The following ABCG8 variants were observed in gnomAD, a reference collection of about 807,000 sequenced individuals.
ABCG8 encodes the protein ATP binding cassette subfamily G member 8, also known as ATP-binding cassette sub-family G member 8.
In ABCG8, 81 loss-of-function variants were observed where a neutral mutation model predicts 71.3. That is an observed-to-expected ratio of 1.14 (90% CI 0.95 to 1.37). The LOEUF (loss-of-function observed/expected upper bound fraction) is 1.37. Among genes scored for constraint, ABCG8 ranks in the 40% most tolerant of loss-of-function variants. The pLI, the probability that ABCG8 is intolerant of heterozygous loss-of-function variation, is 0.00. For missense variants in ABCG8, 1,119 were observed against 866.2 expected (o/e 1.29, Z -3.66); for synonymous variants, 451 against 354.7 (o/e 1.27, Z -3.05).
intron 6 of ABCG8, among the ~76,000 whole-genome samples, chr2:43,867,155 A>G (rs1409301696): frequency 4.5e-5 from 6 of 134,788 alleles, no homozygotes; most frequent in Admixed American, 1.7e-4. Flanking sequence ...ATGAGAAGAC[A>G]TGGAAACAGG....
intron 6 of ABCG8, among the ~76,000 whole-genome samples, chr2:43,857,794 C>T (rs1297502409): frequency 6.6e-6 from 1 of 151,652 alleles, no homozygotes; most frequent in Non-Finnish European, 1.5e-5. Context: ...AATTCCCACT[C>T]TGTCGTTAGA....
intron 8 of ABCG8, 142 bp from the exon 9 acceptor site, chr2:43,873,645 C>A: frequency 1.3e-6 from 1 of 792,546 alleles, no homozygotes; most frequent in South Asian, 1.5e-5. Flanking sequence ...TGATTTAATC[C>A]TCAGAGCCAC....
intron 6 of ABCG8, among the ~76,000 whole-genome samples, chr2:43,868,921 G>T (rs1282736944): frequency 6.6e-6 from 1 of 150,788 alleles, no homozygotes. Flanking sequence ...TTCTCACTCT[G>T]TGGATAGAAC....
At chr2:43,842,322 T>C (rs1668605886) in intron 1 of ABCG8, among the ~76,000 whole-genome samples, 1 of 152,186 alleles carries the variant, frequency 6.6e-6, no homozygotes, top group African/African-American at 2.4e-5. Flanking sequence ...TGGCAATGGC[T>C]AAGATTTTTT....
In ABCG8 at chr2:43,852,437, G is replaced by T; in HGVS notation, c.645G>T (p.Gly215=). The change falls in exon 5 of 13, where the codon GGG becomes GGT. Residue 215 remains glycine (G), a synonymous_variant. Transcript: ENST00000272286. ...VGNMYVRGLS[G]GERRRVSIGV... ...ACATGTACGTGCGGGGGTTGTCGGGGGGTGAGCGCAGGAGAGTCAGCATTG... is the reference window on the plus strand; with the variant it reads ...ACATGTACGTGCGGGGGTTGTCGGGTGGTGAGCGCAGGAGAGTCAGCATTG... 2 of 1,612,866 alleles carry T rather than the reference G, an allele frequency of 1.2e-6. No homozygotes were observed. Among genetic ancestry groups the T allele is most frequent in the East Asian group, 2.2e-5 (1 of 44,874 alleles).
At chr2:43,871,172 A>C (rs1206519117) in intron 6 of ABCG8, among the ~76,000 whole-genome samples, 1 of 152,022 alleles carries the variant, frequency 6.6e-6, no homozygotes, top group Non-Finnish European at 1.5e-5. Flanking sequence ...ATCTATCTGG[A>C]TAGAACTCTC....
intron 6 of ABCG8, among the ~76,000 whole-genome samples, chr2:43,860,139 ATCTG>A (rs1164574815): frequency 2.7e-5 from 4 of 147,956 alleles, no homozygotes; most frequent in African/African-American, 1.0e-4. Context: ...AACTCTCACT[ATCTG>A]TCTGGATAAA....
At chr2:43,875,761 C>G (rs1172466001) in intron 11 of ABCG8, among the ~76,000 whole-genome samples, 1 of 152,206 alleles carries the variant, frequency 6.6e-6, no homozygotes, top group Non-Finnish European at 1.5e-5. Context: ...GCCTGGGCCA[C>G]TGCCATAGCC....
chr2:43,855,547 T>A (rs934462662), intron 6 of ABCG8, among the ~76,000 whole-genome samples: 2 of 152,294 alleles, frequency 1.3e-5, no homozygotes, highest in African/African-American at 4.8e-5. Flanking sequence ...TCTCGCTATC[T>A]TTGTGGATAC....
rs896851171 is a variant in ABCG8 at position 43,882,933 on chromosome 2, A to G, written c.*5020A>G. On this transcript the variant is annotated 3_prime_UTR_variant, in exon 13 of 13. Coordinates refer to ENST00000272286, the MANE Select transcript of ABCG8 (RefSeq NM_022437.3). ...AAATTGGAAATATTCTTGTTTCCCC[A>G]AACTGCTAATAAGCTCTACTGACCC... 3 of 152,234 alleles carry G rather than the reference A, an allele frequency of 2.0e-5. No individual in the cohort carries two copies. Among genetic ancestry groups the G allele is most frequent in the Non-Finnish European group, 4.4e-5 (3 of 68,054 alleles). The allele number at this position is 152,234 out of a possible 1,614,324, so 9.4% of individuals were successfully genotyped here.
intron 6 of ABCG8, among the ~76,000 whole-genome samples, chr2:43,863,398 T>C (rs1408885970): frequency 6.6e-6 from 1 of 151,456 alleles, no homozygotes; most frequent in African/African-American, 2.4e-5. Flanking sequence ...GAACTCTCGC[T>C]ATTCATCTAG....
chr2:43,852,508 G>A (rs774173031), intron 5 of ABCG8, 22 bp downstream of exon 5: 2 of 1,613,658 alleles, frequency 1.2e-6, no homozygotes, highest in South Asian at 1.1e-5. Context: ...GGGGGCAGAT[G>A]GGGGCAGAGG....
intron 6 of ABCG8, among the ~76,000 whole-genome samples, chr2:43,860,415 C>T (rs1218865048): frequency 6.6e-6 from 1 of 150,964 alleles, no homozygotes; most frequent in African/African-American, 2.4e-5. Flanking sequence ...TTCTCACGAT[C>T]TGGATAGAAC....
chr2:43,840,105 A>T (rs139634145), intron 1 of ABCG8, among the ~76,000 whole-genome samples: 17 of 152,254 alleles, frequency 1.1e-4, no homozygotes, highest in Non-Finnish European at 2.1e-4. Context: ...ACCTCACCCC[A>T]TCCTACCTTT....
At chr2:43,862,040 C>T (rs1200866446) in intron 6 of ABCG8, among the ~76,000 whole-genome samples, 1 of 151,300 alleles carries the variant, frequency 6.6e-6, no homozygotes, top group Non-Finnish European at 1.5e-5. Context: ...AGAATTCTCA[C>T]CATCTAGATA....
chr2:43,871,659 T>C (rs930859552), intron 6 of ABCG8, among the ~76,000 whole-genome samples: 1 of 152,244 alleles, frequency 6.6e-6, no homozygotes, highest in African/African-American at 2.4e-5. Flanking sequence ...GCTCTTGCTC[T>C]GTCCTAAGAT....
At chr2:43,873,687 G>C (rs2104946986) in intron 8 of ABCG8, 100 bp from the exon 9 acceptor site, 1 of 1,210,170 alleles carries the variant, frequency 8.3e-7, no homozygotes, top group East Asian at 2.3e-5. Context: ...TCCCCATTTT[G>C]CATAGGAGAA....
At position 43,875,261 on chromosome 2, in the gene ABCG8, T is replaced by A. The variant is rs748122126; in HGVS notation, c.1604T>A (p.Val535Glu). 4 of 1,614,218 alleles carry A rather than the reference T, an allele frequency of 2.5e-6. No homozygotes were observed. The highest frequency in any genetic ancestry group is 1.7e-6 in the Non-Finnish European group (2 of 1,180,038). The change falls in exon 11 of 13, where the codon GTG becomes GAG. Residue 535 changes from valine to glutamate, a missense_variant. Coordinates refer to ENST00000272286, the MANE Select transcript of ABCG8 (RefSeq NM_022437.3). ...CCCTTCCTGCTGCACTTCCTGCTGG[T>A]GTGGCTGGTGGTCTTCTGTTGCAGG... is the stretch of plus-strand genomic sequence containing the variant. ...LQPFLLHFLL[V>E]WLVVFCCRIM...
At position 43,852,932 on chromosome 2, in the gene ABCG8, G is replaced by A. The variant is rs561706457; in HGVS notation, c.964+64G>A. 1.3e-6 allele frequency: 2 copies of A among 1,583,106 alleles called. 1 individual carries two copies. The highest frequency in any genetic ancestry group is 2.2e-5 in the South Asian group (2 of 89,856). The stretch of plus-strand genomic sequence containing the variant: ...AGGGCCTCCCCGATGCTTAAACCCT[G>A]CCCAAGCTTGCTGGAAAGATTCAGG... On this transcript the variant is annotated intron_variant, in intron 6 of 12. Coordinates refer to ENST00000272286, the MANE Select transcript of ABCG8 (RefSeq NM_022437.3).
Sources: gnomAD v4.1 joint callset for allele counts (sites outside exome capture counted in the v4.1 genomes callset) on GRCh38, gnomAD v4.1.1 for gene constraint, MANE v1.5 for transcripts, NCBI Gene and HGNC (gene_info 2026-07-23, HGNC 2026-07-21) for gene names.